Variants in NEK10 observed in about 807,000 individuals in gnomAD.
NEK10 encodes the protein serine/threonine-protein kinase Nek10.
In NEK10, 122 loss-of-function variants were observed where a neutral mutation model predicts 159.8. That is an observed-to-expected ratio of 0.76 (90% CI 0.66 to 0.89). The LOEUF (loss-of-function observed/expected upper bound fraction) is 0.89. Among genes scored for constraint, NEK10 ranks in the 40% least tolerant of loss-of-function variants. NEK10 has a pLI of 0.00. For synonymous variants in NEK10, 466 were observed against 457.1 expected, an observed-to-expected ratio of 1.02 and a Z score of -0.25; for missense variants, 1,342 against 1,323.1, an observed-to-expected ratio of 1.01 and a Z score of -0.22.
At position 27,202,360 on chromosome 3, in the gene NEK10, CT is replaced by C. The variant is rs1304784365; in HGVS notation, c.2220+67del. The C allele has an allele frequency of 2.1e-5, 30 of 1,445,024 alleles. No homozygotes were observed. In the East Asian group the frequency reaches 6.5e-4, roughly 31 times the overall value. The allele number at this position is 1,445,024 out of a possible 1,614,324, so 89.5% of individuals were successfully genotyped here. On this transcript the variant is annotated intron_variant, in intron 24 of 35. Coordinates refer to ENST00000691995, the MANE Select transcript of NEK10 (RefSeq NM_001394966.1). The stretch of plus-strand genomic sequence containing the variant: ...GCAGTTATATACAAATCACAAAGAT[CT>C]GTTTAATAAGAAAAAGAATTGCATT...
chr3:27,355,646 A>G (rs1488332128), intron 1 of NEK10, among the ~76,000 whole-genome samples: 1 of 152,046 alleles, frequency 6.6e-6, no homozygotes, highest in African/African-American at 2.4e-5. Context: ...TGACTGCCAC[A>G]ACCCCCTCAA....
At chr3:27,338,662 T>A (rs1402698384) in intron 5 of NEK10, among the ~76,000 whole-genome samples, 2 of 152,262 alleles carry the variant, frequency 1.3e-5, no homozygotes, top group Non-Finnish European at 2.9e-5. Flanking sequence ...TTGATTTGCA[T>A]TTCTCTGATG....
At chr3:27,116,809 T>C (rs1034221362) in intron 33 of NEK10, among the ~76,000 whole-genome samples, 4 of 152,122 alleles carry the variant, frequency 2.6e-5, no homozygotes, top group Non-Finnish European at 5.9e-5. Flanking sequence ...CAGATTTTTT[T>C]TTTTAATTTA....
chr3:27,135,270 T>C (rs1559498266), intron 31 of NEK10, among the ~76,000 whole-genome samples: 1 of 152,076 alleles, frequency 6.6e-6, no homozygotes, highest in Non-Finnish European at 1.5e-5. Context: ...AAGAAACAAA[T>C]AAACAAACAT....
chr3:27,200,973 A>T (rs1400710381), intron 25 of NEK10, among the ~76,000 whole-genome samples: 2 of 152,152 alleles, frequency 1.3e-5, no homozygotes, highest in African/African-American at 4.8e-5. Flanking sequence ...GCCAGCAGGG[A>T]TTGGCCAAAA....
chr3:27,355,794 A>T (rs1237969860), intron 1 of NEK10, among the ~76,000 whole-genome samples: 2 of 151,946 alleles, frequency 1.3e-5, no homozygotes, highest in African/African-American at 4.8e-5. Context: ...TCCAACCATG[A>T]CTTTCACTGC....
intron 26 of NEK10, among the ~76,000 whole-genome samples, chr3:27,184,546 T>G (rs1948437450): frequency 6.6e-6 from 1 of 152,220 alleles, no homozygotes; most frequent in African/African-American, 2.4e-5. Context: ...TTTTACTACA[T>G]GTAAATTATA....
intron 30 of NEK10, among the ~76,000 whole-genome samples, chr3:27,144,084 C>T (rs1408783234): frequency 6.6e-6 from 1 of 152,168 alleles, no homozygotes; most frequent in Admixed American, 6.5e-5. Context: ...TCCCTTCCTC[C>T]TTTCCTCTCT....
intron 30 of NEK10, among the ~76,000 whole-genome samples, chr3:27,162,035 A>G (rs950864599): frequency 1.3e-5 from 2 of 152,118 alleles, no homozygotes; most frequent in African/African-American, 4.8e-5. Context: ...AGAAACATAA[A>G]TAAGTAAAAG....
chr3:27,111,343 G>C, intron 35 of NEK10, 23 bp from the exon 36 acceptor site: 2 of 1,551,678 alleles, frequency 1.3e-6, no homozygotes, highest in Non-Finnish European at 1.7e-6. Flanking sequence ...GAAGTGGAAA[G>C]AATTCTCTAT....
intron 23 of NEK10, among the ~76,000 whole-genome samples, chr3:27,223,394 C>T (rs933829403): frequency 2.6e-4 from 39 of 152,166 alleles, no homozygotes; most frequent in African/African-American, 9.4e-4. Context: ...CCAGCCCTTA[C>T]CACTCCCCTG....
chr3:27,243,022 T>C (rs1188814641), intron 23 of NEK10, among the ~76,000 whole-genome samples: 1 of 152,236 alleles, frequency 6.6e-6, no homozygotes, highest in Non-Finnish European at 1.5e-5. Context: ...TAACAGTTTA[T>C]TGTCTTGTTT....
At chr3:27,116,286 T>C (rs1477592965) in intron 33 of NEK10, among the ~76,000 whole-genome samples, 159 bp from the exon 34 acceptor site, 1 of 152,210 alleles carries the variant, frequency 6.6e-6, no homozygotes, top group Non-Finnish European at 1.5e-5. Context: ...TGGCTTTGAA[T>C]ATTCAAGTGT....
chr3:27,288,038 C>T (rs906063977), intron 19 of NEK10, among the ~76,000 whole-genome samples: 11 of 152,156 alleles, frequency 7.2e-5, no homozygotes, highest in South Asian at 2.1e-4. Flanking sequence ...GTAGAAGGAA[C>T]CTTAAGAATT....
At chr3:27,321,165 T>TAAAA (rs11456881) in intron 6 of NEK10, among the ~76,000 whole-genome samples, 1 of 147,276 alleles carries the variant, frequency 6.8e-6, no homozygotes, top group African/African-American at 2.5e-5. Context: ...CTTTTTCAGT[T>TAAAA]AAAAAAAAAA....
At chr3:27,280,113 A>G in intron 22 of NEK10, among the ~76,000 whole-genome samples, 1 of 151,254 alleles carries the variant, frequency 6.6e-6, no homozygotes. Flanking sequence ...AAAAAAAAAA[A>G]AAAAAAGCTG....
At chr3:27,368,163 C>T (rs567157082) in intron 1 of NEK10, among the ~76,000 whole-genome samples, 11 of 152,124 alleles carry the variant, frequency 7.2e-5, no homozygotes, top group African/African-American at 2.4e-4. Context: ...CGTAGTGGCT[C>T]GCGCCTGTAA....
chr3:27,332,505 G>T (rs1420516558), intron 5 of NEK10, among the ~76,000 whole-genome samples: 2 of 151,972 alleles, frequency 1.3e-5, no homozygotes, highest in East Asian at 3.9e-4. Flanking sequence ...ACCTATTTCT[G>T]CCTGAGTCTT....
chr3:27,298,110 G>A (rs2043505370), intron 13 of NEK10, among the ~76,000 whole-genome samples: 2 of 152,148 alleles, frequency 1.3e-5, no homozygotes, highest in Non-Finnish European at 2.9e-5. Flanking sequence ...AACCGTTTAT[G>A]TTTTTAATTT....
Sources: allele counts gnomAD v4.1 joint callset (sites outside exome capture counted in the v4.1 genomes callset), GRCh38; gene constraint gnomAD v4.1.1; transcripts MANE v1.5; gene names NCBI Gene and HGNC (gene_info 2026-07-23, HGNC 2026-07-21).